ZNF274: variants seen among roughly 807,000 people sequenced by gnomAD.
ZNF274 encodes neurotrophin receptor-interacting factor homolog.
ZNF274 carries 23 observed loss-of-function variants against 42.5 expected under a neutral mutation model. The ratio of observed to expected loss-of-function variants is 0.54; its 90% CI spans 0.39 to 0.77. The LOEUF (loss-of-function observed/expected upper bound fraction) is 0.77. Ranked by LOEUF, ZNF274 falls within the 30% of genes least tolerant of loss-of-function variation. The pLI, the probability that ZNF274 is intolerant of heterozygous loss-of-function variation, is 0.00. For synonymous variants in ZNF274, 292 were observed against 305.4 expected (o/e 0.96, Z 0.46); for missense variants, 679 against 806.5 (o/e 0.84, Z 1.91).
chr19:58,183,864 A>G (rs2075661775), intron 1 of ZNF274, 57 bp from the exon 2 acceptor site: 12 of 1,210,110 alleles, frequency 9.9e-6, no homozygotes, highest in African/African-American at 1.5e-5. Flanking sequence ...AGGCTGCGGT[A>G]GCTCCCCAGC....
At chr19:58,191,260 C>T (rs939848829) in intron 4 of ZNF274, among the ~76,000 whole-genome samples, 4 of 152,160 alleles carry the variant, frequency 2.6e-5, no homozygotes, top group Admixed American at 1.3e-4. Context: ...GCCTCAGCCT[C>T]CAGAGTAGCT....
intron 3 of ZNF274, 98 bp downstream of exon 3, chr19:58,185,936 C>A: frequency 8.6e-7 from 1 of 1,162,008 alleles, no homozygotes. Context: ...TGCAGGGGCA[C>A]CAGTAGGAAA....
intron 4 of ZNF274, among the ~76,000 whole-genome samples, chr19:58,191,997 C>G (rs1442204188): frequency 6.6e-6 from 1 of 152,126 alleles, no homozygotes; most frequent in Non-Finnish European, 1.5e-5. Context: ...GGAAAAAAGC[C>G]TGATATAAAG....
chr19:58,211,474 A>G lies in ZNF274; in HGVS notation c.853-86A>G. 1 of 1,508,382 alleles carries G rather than the reference A, an allele frequency of 6.6e-7. No individual in the cohort carries two copies. Among genetic ancestry groups the G allele is most frequent in the Non-Finnish European group, 8.9e-7 (1 of 1,120,576 alleles). 93.4% of individuals were successfully genotyped at this position (1,508,382 alleles called of 1,614,324 possible). A position where few individuals can be genotyped will look rare whatever the true frequency, so the allele number is the denominator to read the frequency against. On this transcript the variant is annotated intron_variant, in intron 6 of 7. Coordinates refer to ENST00000617501, the MANE Select transcript of ZNF274 (RefSeq NM_133502.3). This position sits in a 1 kb window ranked among gnomAD's most constrained non-coding sequence, Gnocchi z 4.8. ...AGTCCCTAGCACCGTGAGCTCTGTC[A>G]GAACCTCCCAGCTGGCCTTTCTTCT... is the stretch of plus-strand genomic sequence containing the variant.
At chr19:58,193,563 C>G in intron 4 of ZNF274, among the ~76,000 whole-genome samples, 1 of 146,116 alleles carries the variant, frequency 6.8e-6, no homozygotes, top group Non-Finnish European at 1.5e-5. Flanking sequence ...AGTGATTCTC[C>G]TACCTCAGCC....
At chr19:58,210,250 C>CCTG in intron 6 of ZNF274, 177 bp downstream of exon 6, 1 of 523,304 alleles carries the variant, frequency 1.9e-6, no homozygotes, top group Non-Finnish European at 3.4e-6. Context: ...CAGCCCTGCC[C>CCTG]TCCAGCCACT....
intron 5 of ZNF274, chr19:58,209,427 G>C (rs2076013965): frequency 6.6e-6 from 1 of 152,562 alleles, no homozygotes; most frequent in Non-Finnish European, 1.5e-5. Context: ...GTGGTTACAG[G>C]GGCCCTTGGG....
Position 58,190,664 on chromosome 19 carries a change from T to C in ZNF274, c.256+3622T>C, listed in dbSNP as rs534758759. ...AGTTTTGTAACGTGCTGCTGGAGTC[T>C]TGAATTTTTAAAGGGTTTTTGTGTC... On this transcript the variant is annotated intron_variant, in intron 4 of 7. Transcript: ENST00000617501. Among the ~76,000 whole-genome samples, 8 of 152,368 alleles carry C rather than the reference T, an allele frequency of 5.3e-5. No individual in the cohort carries two copies. The East Asian group carries it at 7.7e-4, about 15-fold the overall frequency.
At chr19:58,201,809 C>T (rs1473434114) in intron 4 of ZNF274, among the ~76,000 whole-genome samples, 1 of 152,170 alleles carries the variant, frequency 6.6e-6, no homozygotes, top group Non-Finnish European at 1.5e-5. Flanking sequence ...GTCACCGCAC[C>T]AGGCATATTT....
intron 4 of ZNF274, among the ~76,000 whole-genome samples, chr19:58,195,187 ACT>A (rs1354928902): frequency 7.0e-6 from 1 of 142,628 alleles, no homozygotes; most frequent in African/African-American, 2.7e-5. Flanking sequence ...ACAGAGTGAG[ACT>A]CTGTCTCAAA....
intron 3 of ZNF274, 119 bp from the exon 4 acceptor site, chr19:58,186,828 T>A (rs1376534435): frequency 1.2e-5 from 10 of 805,086 alleles, no homozygotes; most frequent in Non-Finnish European, 2.0e-5. Flanking sequence ...TTCACTGCTC[T>A]AGGCCAGAAG....
At chr19:58,210,145 C>T (rs145238967) in intron 6 of ZNF274, 72 bp downstream of exon 6, 5 of 1,268,708 alleles carry the variant, frequency 3.9e-6, no homozygotes, top group Non-Finnish European at 5.6e-6. Context: ...GAGGCATCCA[C>T]TCTGCCCTGG....
At chr19:58,199,691 T>C (rs1000116566) in intron 4 of ZNF274, among the ~76,000 whole-genome samples, 2 of 152,236 alleles carry the variant, frequency 1.3e-5, no homozygotes, top group African/African-American at 4.8e-5. Context: ...CCAGCCTGGC[T>C]TATGGTGCGA....
At chr19:58,193,460 T>G (rs1458304622) in intron 4 of ZNF274, among the ~76,000 whole-genome samples, 1 of 138,742 alleles carries the variant, frequency 7.2e-6, no homozygotes, top group African/African-American at 2.7e-5. Context: ...TTTTTTTTTT[T>G]TTTTTTTTTT....
rs528937770 is a variant in ZNF274 at position 58,201,012 on chromosome 19, GT to G, written c.257-5697del. Reference sequence around the variant, plus strand: ...CCGCATACTGTTGTTTGTTTGTTTTGTTTTTTTTTTTGGAGACACGGTCTCA... The same window carrying G: ...CCGCATACTGTTGTTTGTTTGTTTTGTTTTTTTTTTGGAGACACGGTCTCA... On this transcript the variant is annotated intron_variant, in intron 4 of 7. Transcript: ENST00000617501. Among the ~76,000 whole-genome samples, 40 of 140,968 alleles carry G rather than the reference GT, an allele frequency of 2.8e-4. No homozygotes were observed. The South Asian group carries it at 2.9e-3, about 10-fold the overall frequency. The allele number at this position is 140,968 out of a possible 152,430, so 92.5% of individuals were successfully genotyped here. A position where few individuals can be genotyped will look rare whatever the true frequency, so the allele number is the denominator to read the frequency against.
chr19:58,187,084 A>G, intron 4 of ZNF274, 42 bp downstream of exon 4: 1 of 1,517,902 alleles, frequency 6.6e-7, no homozygotes, highest in South Asian at 1.2e-5. Context: ...GAAGGGGCCA[A>G]CTGATGAGTC....
chr19:58,184,173 G>A (rs2075667494), intron 2 of ZNF274, 175 bp downstream of exon 2: 2 of 666,652 alleles, frequency 3.0e-6, no homozygotes, highest in Non-Finnish European at 5.1e-6. Context: ...CAGGTTGCTT[G>A]GTTTTCCAAG....
chr19:58,187,591 G>GT (rs889179340), intron 4 of ZNF274, among the ~76,000 whole-genome samples: 3 of 152,012 alleles, frequency 2.0e-5, no homozygotes, highest in African/African-American at 4.8e-5. Flanking sequence ...CCGTTTAATT[G>GT]TTTTTTTGTA....
chr19:58,188,688 G>GTGTATATA (rs2075736874), intron 4 of ZNF274, among the ~76,000 whole-genome samples: 2 of 52,982 alleles, frequency 3.8e-5, no homozygotes, highest in African/African-American at 1.6e-4. Flanking sequence ...ATATATATAT[G>GTGTATATA]TATATGTATA....
Sources: gnomAD v4.1 joint callset for allele counts (sites outside exome capture counted in the v4.1 genomes callset) on GRCh38, gnomAD v4.1.1 for gene constraint, Gnocchi (gnomAD v3.1) non-coding constraint, MANE v1.5 for transcripts, NCBI Gene and HGNC (gene_info 2026-07-23, HGNC 2026-07-21) for gene names.